The following SPTBN2 variants were observed in gnomAD, a reference collection of about 807,000 sequenced individuals.
SPTBN2 encodes spectrin beta, non-erythrocytic 2.
A neutral mutation model predicts 284.2 loss-of-function variants in SPTBN2; 107 were observed. That is an observed-to-expected ratio of 0.38 (90% CI 0.32 to 0.44). The LOEUF (loss-of-function observed/expected upper bound fraction) is 0.44. Among genes scored for constraint, SPTBN2 ranks in the 20% least tolerant of loss-of-function variants. The pLI, the probability that SPTBN2 is intolerant of heterozygous loss-of-function variation, is 1.00. For missense variants in SPTBN2, 2,569 were observed against 3,287.1 expected (o/e 0.78, Z 5.34); for synonymous variants, 1,289 against 1,354.8 (o/e 0.95, Z 1.07).
In SPTBN2 at chr11:66,693,568, TG is replaced by T; in HGVS notation, c.4594-123del. 6.7e-7 allele frequency: 1 copy of T among 1,487,072 alleles called. No individual in the cohort carries two copies. Among genetic ancestry groups the T allele is most frequent in the Non-Finnish European group, 9.1e-7 (1 of 1,104,700 alleles). 92.1% of individuals were successfully genotyped at this position (1,487,072 alleles called of 1,614,324 possible). On this transcript the variant is annotated intron_variant, in intron 23 of 37. Transcript: ENST00000533211. The surrounding 1 kb of genome is among the most constrained non-coding windows in gnomAD (Gnocchi z 5.7). Reference sequence around the variant, plus strand: ...GGGTCCTCTGCTCCCTCTCCTAGCCTGGGGGTGCGATGGTAACACCCGTCAG... The same window carrying T: ...GGGTCCTCTGCTCCCTCTCCTAGCCTGGGGTGCGATGGTAACACCCGTCAG...
Position 66,696,509 on chromosome 11 carries a change from T to A in SPTBN2, c.4046A>T (p.Glu1349Val). 1 of 1,612,118 alleles carries A rather than the reference T, an allele frequency of 6.2e-7. No individual in the cohort carries two copies. Among genetic ancestry groups the A allele is most frequent in the South Asian group, 1.1e-5 (1 of 91,092 alleles). The change falls in exon 21 of 38, where the codon GAG (glutamate) becomes GTG (valine). Residue 1349 changes from glutamate to valine, a missense_variant. Transcript: ENST00000533211. ...EGRELTLEKP[E>V]LKALVSEKLR... Reference sequence around the variant, plus strand: ...CTTCTCCGACACCAGGGCTTTCAGCTCTGGCTTCTCAAGGGTGAGCTCTCG... The same window carrying A: ...CTTCTCCGACACCAGGGCTTTCAGCACTGGCTTCTCAAGGGTGAGCTCTCG...
In SPTBN2 at chr11:66,724,495, C is replaced by T. The variant is rs781214614; in HGVS notation, c.-113-3055G>A. On this transcript the variant is annotated intron_variant, in intron 1 of 37. Coordinates refer to ENST00000533211, the MANE Select transcript of SPTBN2 (RefSeq NM_006946.4). ...TCAGCCACTTCACATATCTATGTTA[C>T]CTGCCTGGCCCCAACTGTTGAGGTT... is the stretch of plus-strand genomic sequence containing the variant. 2.0e-5 allele frequency among the ~76,000 whole-genome samples: 3 copies of T among 152,144 alleles called. No homozygotes were observed. In the South Asian group the frequency reaches 6.2e-4, roughly 31 times the overall value.
At chr11:66,699,828 C>T (rs1941141666) in intron 17 of SPTBN2, among the ~76,000 whole-genome samples, 2 of 152,202 alleles carry the variant, frequency 1.3e-5, no homozygotes, top group South Asian at 4.1e-4. Flanking sequence ...CAGCCCAAAT[C>T]CTGTTCTATC....
chr11:66,739,552 G>A (rs1447576443), intron 1 of SPTBN2, among the ~76,000 whole-genome samples: 1 of 152,188 alleles, frequency 6.6e-6, no homozygotes, highest in African/African-American at 2.4e-5. Flanking sequence ...GTCTCAATTA[G>A]CCTACCTGTC....
At position 66,693,402 on chromosome 11, in the gene SPTBN2, G is replaced by A; in HGVS notation, c.4638C>T (p.Asp1546=). 6.2e-7 allele frequency: 1 copy of A among 1,600,852 alleles called. No homozygotes were observed. Among genetic ancestry groups the A allele is most frequent in the Non-Finnish European group, 8.5e-7 (1 of 1,179,898 alleles). Residue 1546 remains aspartate (D), a synonymous_variant, in exon 24 of 38, where the codon GAC becomes GAT. Coordinates refer to ENST00000533211, the MANE Select transcript of SPTBN2 (RefSeq NM_006946.4). This position sits in a 1 kb window ranked among gnomAD's most constrained non-coding sequence, Gnocchi z 5.7. ...EIQGHEPRIA[D]LRERQRALGA... ...CTAGAGCACGCTGCCGCTCCCTCAG[G>A]TCCGCGATCCGGGGCTCATGGCCCT...
intron 20 of SPTBN2, among the ~76,000 whole-genome samples, chr11:66,697,201 C>A (rs891349219): frequency 2.6e-5 from 4 of 152,170 alleles, no homozygotes; most frequent in African/African-American, 9.7e-5. Flanking sequence ...ATGGGGGTAA[C>A]TGGCATGACT....
At chr11:66,701,348 TTCTC>T in intron 16 of SPTBN2, 66 bp from the exon 17 acceptor site, 3 of 1,587,044 alleles carry the variant, frequency 1.9e-6, no homozygotes, top group Non-Finnish European at 2.6e-6. Flanking sequence ...TCTTCCCTGC[TTCTC>T]TCTCTCTTGG....
Position 66,704,617 on chromosome 11 carries a change from G to A in SPTBN2, c.2659C>T (p.Leu887=), listed in dbSNP as rs762766118. Residue 887 remains leucine (L), a synonymous_variant, in exon 15 of 38, where the codon CTG becomes TTG. Coordinates refer to ENST00000533211, the MANE Select transcript of SPTBN2 (RefSeq NM_006946.4). ...GCCTACCTCTGCTGCACGACCTCCA[G>A]GTCCTCCAGGCGTTCAGGCAGGGCC... ...GLALPERLED[L]EVVQQRFETL... is the part of the protein sequence containing the mutation. 1 of 1,605,172 alleles carries A rather than the reference G, an allele frequency of 6.2e-7. No homozygotes were observed. Among genetic ancestry groups the A allele is most frequent in the South Asian group, 1.1e-5 (1 of 90,692 alleles).
At chr11:66,689,498 C>T (rs1940388828) in intron 29 of SPTBN2, 1 of 544,466 alleles carries the variant, frequency 1.8e-6, no homozygotes, top group Admixed American at 3.1e-5. Flanking sequence ...CCCAGCCACA[C>T]AACCCATGGA....
Position 66,687,957 on chromosome 11 carries a change from G to A in SPTBN2, c.6451-39C>T, listed in dbSNP as rs773929955. 24 of 1,614,066 alleles carry A rather than the reference G, an allele frequency of 1.5e-5. No individual in the cohort carries two copies. In the Middle Eastern group the frequency reaches 4.9e-4, roughly 33 times the overall value. ...AATCTGTAAAAGGATGTGCGGGGGT[G>A]GAGGGGCTACGACTCCGATGGGGGC... On this transcript the variant is annotated intron_variant, in intron 33 of 37. Coordinates refer to ENST00000533211, the MANE Select transcript of SPTBN2 (RefSeq NM_006946.4). The surrounding 1 kb of genome is among the most constrained non-coding windows in gnomAD (Gnocchi z 5.2).
At chr11:66,696,170 G>T in intron 21 of SPTBN2, 107 bp downstream of exon 21, 1 of 1,384,422 alleles carries the variant, frequency 7.2e-7, no homozygotes, top group Non-Finnish European at 1.0e-6. Flanking sequence ...TCTGGGAAAT[G>T]CTAGTGAAGG....
intron 3 of SPTBN2, 88 bp downstream of exon 3, chr11:66,720,996 G>GTTAAAGGGC: frequency 1.9e-6 from 3 of 1,567,872 alleles, no homozygotes; most frequent in Non-Finnish European, 2.6e-6. Flanking sequence ...AGAAAAGTCA[G>GTTAAAGGGC]TCTTCCCATA....
rs1194334452 is a variant in SPTBN2, at chr11:66,710,167, C to T, written c.1073+415G>A. Among the ~76,000 whole-genome samples the T allele has an allele frequency of 3.3e-5, 5 of 152,224 alleles. 1 individual carries two copies. In the South Asian group the frequency reaches 8.3e-4, roughly 25 times the overall value. Reference sequence around the variant, plus strand: ...AGGTGGTTCTCCTGCCTCAGCCTCCCGAGTAGCTGGGATGACAGGCGTGTG... The same window carrying T: ...AGGTGGTTCTCCTGCCTCAGCCTCCTGAGTAGCTGGGATGACAGGCGTGTG... On this transcript the variant is annotated intron_variant, in intron 10 of 37. Transcript: ENST00000533211. The surrounding 1 kb of genome is among the most constrained non-coding windows in gnomAD (Gnocchi z 4.9).
In SPTBN2 at chr11:66,688,716, C is replaced by T. The variant is rs1356851152; in HGVS notation, c.6168G>A (p.Glu2056=). 1 of 1,613,916 alleles carries T rather than the reference C, an allele frequency of 6.2e-7. No individual in the cohort carries two copies. Among genetic ancestry groups the T allele is most frequent in the Non-Finnish European group, 8.5e-7 (1 of 1,180,022 alleles). The change falls in exon 31 of 38, where the codon GAG becomes GAA. Residue 2056 remains glutamate (E), a synonymous_variant. Coordinates refer to ENST00000533211, the MANE Select transcript of SPTBN2 (RefSeq NM_006946.4). ...AGGCCACTGCTGACTTCTGGAAGGCCTCGTGCCGCTTGATGAGGCTCTCAA... is the reference window on the plus strand; with the variant it reads ...AGGCCACTGCTGACTTCTGGAAGGCTTCGTGCCGCTTGATGAGGCTCTCAA... The part of the protein sequence containing the change: ...DEVESLIKRH[E]AFQKSAVAWE...
intron 18 of SPTBN2, 38 bp downstream of exon 18, chr11:66,699,368 C>CCCTGGGAACCCTAATTCATGGACTGTCCT: frequency 6.2e-7 from 1 of 1,608,636 alleles, no homozygotes; most frequent in South Asian, 1.1e-5. Flanking sequence ...TCCGATTCCC[C>CCCTGGGAACCCTAATTCATGGACTGTCCT]CCTGGGAACC....
intron 1 of SPTBN2, among the ~76,000 whole-genome samples, chr11:66,723,371 G>A (rs1399971244): frequency 6.6e-6 from 1 of 152,070 alleles, no homozygotes; most frequent in Non-Finnish European, 1.5e-5. Context: ...GTAGTCTCGG[G>A]TTCTGGAAGG....
In SPTBN2 at chr11:66,701,135, G is replaced by A; in HGVS notation, c.2964C>T (p.Gly988=). 1 of 1,613,152 alleles carries A rather than the reference G, an allele frequency of 6.2e-7. No individual in the cohort carries two copies. Among genetic ancestry groups the A allele is most frequent in the Non-Finnish European group, 8.5e-7 (1 of 1,180,052 alleles). The change falls in exon 17 of 38, where the codon GGC becomes GGT. Residue 988 remains glycine (G), a synonymous_variant. Transcript: ENST00000533211. ...GGGCCAGCACCCCAGCCAGATCGTT[G>A]CCTAGGCCCTGGGTGGACTCGATGA... ...TKVIESTQGL[G]NDLAGVLALQ...
chr11:66,693,963 G>A lies in SPTBN2; in HGVS notation c.4504-102C>T, dbSNP rs1437388363. The A allele has an allele frequency of 3.8e-6, 5 of 1,326,212 alleles. No homozygotes were observed. Among genetic ancestry groups the A allele is most frequent in the Non-Finnish European group, 5.3e-6 (5 of 947,710 alleles). 82.2% of individuals were successfully genotyped at this position (1,326,212 alleles called of 1,614,324 possible). A position where few individuals can be genotyped will look rare whatever the true frequency, so the allele number is the denominator to read the frequency against. ...CACCTGGGGCTACCGCCCTGTGTGT[G>A]GGGAACAGTCATCTCTGGTTCTGGG... On this transcript the variant is annotated intron_variant, in intron 22 of 37. Transcript: ENST00000533211. This position sits in a 1 kb window ranked among gnomAD's most constrained non-coding sequence, Gnocchi z 5.7.
rs572423886 is a variant in SPTBN2, at chr11:66,709,162, G to A, written c.1074-143C>T. On this transcript the variant is annotated intron_variant, in intron 10 of 37. Transcript: ENST00000533211. ...TTTTATGTGGAAGCCAGAAAATATGGGCTAACCAAAAGAACATCATTTTAT... is the reference window on the plus strand; with the variant it reads ...TTTTATGTGGAAGCCAGAAAATATGAGCTAACCAAAAGAACATCATTTTAT... 5.6e-6 allele frequency: 4 copies of A among 714,188 alleles called. No homozygotes were observed. The East Asian group carries it at 1.0e-4, about 19-fold the overall frequency. The allele number at this position is 714,188 out of a possible 1,614,324, so 44.2% of individuals were successfully genotyped here. A position where few individuals can be genotyped will look rare whatever the true frequency, so the allele number is the denominator to read the frequency against.
Sources: allele counts gnomAD v4.1 joint callset (sites outside exome capture counted in the v4.1 genomes callset), GRCh38; gene constraint gnomAD v4.1.1; non-coding constraint Gnocchi (gnomAD v3.1); transcripts MANE v1.5; gene names NCBI Gene and HGNC (gene_info 2026-07-23, HGNC 2026-07-21).